The following CMIP variants were observed in gnomAD, a reference collection of about 807,000 sequenced individuals.
CMIP encodes the protein c-Maf inducing protein, also known as C-Maf-inducing protein.
CMIP carries 13 observed loss-of-function variants against 97.3 expected under a neutral mutation model. The ratio of observed to expected loss-of-function variants is 0.13; its 90% confidence interval spans 0.09 to 0.21. The LOEUF (loss-of-function observed/expected upper bound fraction) is 0.21. Ranked by LOEUF, CMIP falls within the 10% of genes least tolerant of loss-of-function variation. The pLI is 1.00. For synonymous variants in CMIP, 538 were observed against 436.3 expected (o/e 1.23, Z -2.91); for missense variants, 847 against 1,024.9 (o/e 0.83, Z 2.37).
intron 1 of CMIP, among the ~76,000 whole-genome samples, chr16:81,539,567 G>A (rs1005273437): frequency 1.4e-4 from 21 of 152,228 alleles, no homozygotes; most frequent in African/African-American, 5.1e-4. Context: ...TACAGGGCTA[G>A]GTATGTTTCT....
chr16:81,629,443 G>T (rs1597166865), intron 3 of CMIP, among the ~76,000 whole-genome samples: 1 of 152,162 alleles, frequency 6.6e-6, no homozygotes, highest in Non-Finnish European at 1.5e-5. Flanking sequence ...CTCCTGGCTG[G>T]GCCTGTCCCC....
intron 1 of CMIP, among the ~76,000 whole-genome samples, chr16:81,606,791 G>A (rs980591484): frequency 6.6e-6 from 1 of 152,182 alleles, no homozygotes; most frequent in South Asian, 2.1e-4. Context: ...AGGGCACAGG[G>A]AAGGGTGCAA....
intron 1 of CMIP, among the ~76,000 whole-genome samples, chr16:81,527,414 T>C (rs2150816976): frequency 6.6e-6 from 1 of 152,300 alleles, no homozygotes; most frequent in Non-Finnish European, 1.5e-5. Flanking sequence ...ATCTAGGTGG[T>C]GGGTGTAAGG....
chr16:81,486,078 G>A (rs550997914), intron 1 of CMIP, among the ~76,000 whole-genome samples: 5 of 152,250 alleles, frequency 3.3e-5, no homozygotes, highest in African/African-American at 4.8e-5. Context: ...AAGGCCACAC[G>A]CAAGGCCATC....
At chr16:81,613,100 C>G (rs1394288752) in intron 2 of CMIP, among the ~76,000 whole-genome samples, 1 of 152,192 alleles carries the variant, frequency 6.6e-6, no homozygotes, top group Non-Finnish European at 1.5e-5. Flanking sequence ...CAAAAGTAGA[C>G]AAGCCAAAGG....
rs146389248 is a variant in CMIP at position 81,503,314 on chromosome 16, C to A, written c.300+57773C>A. ...GGGTGCTTGATGGTGAAGAGTTTCC[C>A]CCTGGTATGAGCAGTCAGTGTTATC... On this transcript the variant is annotated intron_variant, in intron 1 of 20. Transcript: ENST00000537098. Among the ~76,000 whole-genome samples the A allele has an allele frequency of 2.4e-3, 371 of 152,240 alleles. 4 individuals carry two copies. Among genetic ancestry groups the A allele is most frequent in the African/African-American group, 8.6e-3 (359 of 41,538 alleles).
chr16:81,528,657 G>A (rs2090176609), intron 1 of CMIP, among the ~76,000 whole-genome samples: 1 of 152,140 alleles, frequency 6.6e-6, no homozygotes, highest in Non-Finnish European at 1.5e-5. Flanking sequence ...GCTTGCTGGG[G>A]CTTCCCTCTC....
At chr16:81,465,108 C>T (rs1309471882) in intron 1 of CMIP, among the ~76,000 whole-genome samples, 2 of 152,216 alleles carry the variant, frequency 1.3e-5, no homozygotes, top group African/African-American at 4.8e-5. Context: ...GTTCACCCCC[C>T]TTACCCATTA....
chr16:81,502,121 C>T (rs1247873356), intron 1 of CMIP, among the ~76,000 whole-genome samples: 1 of 152,200 alleles, frequency 6.6e-6, no homozygotes, highest in Non-Finnish European at 1.5e-5. Context: ...GATGAGGAAA[C>T]TGAGGCCCAG....
chr16:81,657,542 C>A (rs1329188776), intron 4 of CMIP, among the ~76,000 whole-genome samples: 1 of 152,150 alleles, frequency 6.6e-6, no homozygotes, highest in Non-Finnish European at 1.5e-5. Flanking sequence ...TAACTCAAGC[C>A]CCGAAACAGG....
chr16:81,683,214 G>T (rs1034574300), intron 10 of CMIP, among the ~76,000 whole-genome samples: 1 of 152,222 alleles, frequency 6.6e-6, no homozygotes, highest in Non-Finnish European at 1.5e-5. Flanking sequence ...GTAAAGCTCA[G>T]ATGGGGAGAG....
At chr16:81,589,317 G>A (rs770489073) in intron 1 of CMIP, among the ~76,000 whole-genome samples, 8 of 152,106 alleles carry the variant, frequency 5.3e-5, no homozygotes, top group Admixed American at 6.5e-5. Context: ...GGCTGGTCTC[G>A]AACTCCTGGG....
At chr16:81,593,972 C>T (rs1176660098) in intron 1 of CMIP, among the ~76,000 whole-genome samples, 1 of 145,674 alleles carries the variant, frequency 6.9e-6, no homozygotes, top group Admixed American at 6.8e-5. Flanking sequence ...ACCTTTCCTC[C>T]TCCTGCTCCT....
intron 1 of CMIP, among the ~76,000 whole-genome samples, chr16:81,509,811 C>T (rs1480844147): frequency 2.0e-5 from 3 of 152,220 alleles, no homozygotes; most frequent in Non-Finnish European, 4.4e-5. Context: ...CCTCAGCTTG[C>T]TGTCTTCCTG....
At chr16:81,671,262 C>T (rs2092680996) in intron 8 of CMIP, among the ~76,000 whole-genome samples, 2 of 152,184 alleles carry the variant, frequency 1.3e-5, no homozygotes, top group Admixed American at 6.5e-5. Context: ...ATGCCAGAAC[C>T]GTGGTGACAC....
chr16:81,480,643 G>C (rs1212068545), intron 1 of CMIP, among the ~76,000 whole-genome samples: 4 of 152,212 alleles, frequency 2.6e-5, no homozygotes, highest in African/African-American at 9.7e-5. Context: ...GGCACCTGTT[G>C]CTACTTATGT....
chr16:81,615,469 GTA>G (rs949282443), intron 2 of CMIP, among the ~76,000 whole-genome samples: 2 of 143,718 alleles, frequency 1.4e-5, no homozygotes, highest in African/African-American at 5.2e-5. Flanking sequence ...TGGTGTATGT[GTA>G]TTTGTGTGTG....
In CMIP at chr16:81,649,538, G is replaced by A. The variant is rs1053846132; in HGVS notation, c.478-2665G>A. On this transcript the variant is annotated intron_variant, in intron 3 of 20. Transcript: ENST00000537098. ...AGTTTAAATGAGACTTCGCTGGAAT[G>A]ATGTTCACCAAATATTAATGGTGGC... 3.9e-5 allele frequency among the ~76,000 whole-genome samples: 6 copies of A among 152,382 alleles called. No homozygotes were observed. The East Asian group carries it at 1.2e-3, about 29-fold the overall frequency.
At chr16:81,632,522 A>G (rs2092177146) in intron 3 of CMIP, among the ~76,000 whole-genome samples, 2 of 152,214 alleles carry the variant, frequency 1.3e-5, no homozygotes, top group African/African-American at 2.4e-5. Context: ...GCAGAGTTTA[A>G]GGTGGATGGA....
Sources: gnomAD v4.1 joint callset for allele counts (sites outside exome capture counted in the v4.1 genomes callset) on GRCh38, gnomAD v4.1.1 for gene constraint, MANE v1.5 for transcripts, NCBI Gene and HGNC (gene_info 2026-07-23, HGNC 2026-07-21) for gene names.